Variants in CCDC158 observed in about 807,000 individuals in gnomAD.
CCDC158 encodes the protein coiled-coil domain containing 158, also known as coiled-coil domain-containing protein 158.
In CCDC158, 116 loss-of-function variants were observed where a neutral mutation model predicts 138.6. The ratio of observed to expected loss-of-function variants is 0.84; its 90% confidence interval spans 0.72 to 0.98. CCDC158 has a LOEUF of 0.98. Ranked by LOEUF, CCDC158 falls within the 50% of genes least tolerant of loss-of-function variation. The pLI is 0.00. For missense variants in CCDC158, 1,265 were observed against 1,306.1 expected (o/e 0.97, Z 0.48); for synonymous variants, 436 against 442.4 (o/e 0.99, Z 0.18).
At chr4:76,313,956 T>TA (rs1375554867) in intron 24 of CCDC158, among the ~76,000 whole-genome samples, 1 of 152,204 alleles carries the variant, frequency 6.6e-6, no homozygotes, top group Non-Finnish European at 1.5e-5. Flanking sequence ...GTAAACAGAC[T>TA]AAAAAAGGTT....
At chr4:76,362,093 T>G (rs1218474800) in intron 13 of CCDC158, 33 bp downstream of exon 13, 1 of 1,595,154 alleles carries the variant, frequency 6.3e-7, no homozygotes, top group Non-Finnish European at 8.6e-7. Flanking sequence ...AAGACTCTTA[T>G]TTTTTAGTAG....
chr4:76,329,084 T>C (rs1720787190), intron 21 of CCDC158, 117 bp from the exon 22 acceptor site: 2 of 783,232 alleles, frequency 2.6e-6, no homozygotes, highest in Non-Finnish European at 2.2e-6. Context: ...AACCTCAAGA[T>C]GGCAATCATA....
chr4:76,391,118 A>G (rs1168676051), intron 4 of CCDC158, among the ~76,000 whole-genome samples: 1 of 152,052 alleles, frequency 6.6e-6, no homozygotes, highest in African/African-American at 2.4e-5. Context: ...AATCTGTACT[A>G]TAGACCAAAT....
At chr4:76,363,088 T>C (rs1447344538) in intron 12 of CCDC158, among the ~76,000 whole-genome samples, 1 of 152,210 alleles carries the variant, frequency 6.6e-6, no homozygotes, top group African/African-American at 2.4e-5. Flanking sequence ...TGGCTCAGTG[T>C]GCCTAAACTG....
intron 2 of CCDC158, among the ~76,000 whole-genome samples, chr4:76,404,445 A>T (rs974495615): frequency 6.6e-6 from 1 of 152,226 alleles, no homozygotes; most frequent in East Asian, 1.9e-4. Context: ...AGTAGGCTCA[A>T]ACAAGAATTT....
chr4:76,396,395 G>A lies in CCDC158; in HGVS notation c.162C>T (p.Phe54=). The part of the protein sequence containing the change: ...SAGTLTQVPF[F]PKYEVELDSP... ...AATCAAGTTCCACTTCATATTTAGG[G>A]AAAAAAGGAACCTGTGTCAAAGTCC... The change falls in exon 4 of 25, where the codon TTC becomes TTT. Residue 54 remains phenylalanine, a synonymous_variant. Transcript: ENST00000682701. The A allele has an allele frequency of 6.2e-7, 1 of 1,613,470 alleles. No individual in the cohort carries two copies. Among genetic ancestry groups the A allele is most frequent in the Non-Finnish European group, 8.5e-7 (1 of 1,179,698 alleles).
At chr4:76,403,477 T>C in intron 2 of CCDC158, among the ~76,000 whole-genome samples, 197 bp from the exon 3 acceptor site, 1 of 152,352 alleles carries the variant, frequency 6.6e-6, no homozygotes, top group African/African-American at 2.4e-5. Context: ...TTATTGATTT[T>C]AATAGCCAAG....
intron 24 of CCDC158, among the ~76,000 whole-genome samples, chr4:76,317,559 C>A (rs1452481773): frequency 6.6e-6 from 1 of 152,104 alleles, no homozygotes; most frequent in Non-Finnish European, 1.5e-5. Flanking sequence ...CCACTGATAC[C>A]ACTAGACAGG....
rs747081719 is a variant in CCDC158, at chr4:76,334,035, A to C, written c.2797T>G (p.Ser933Ala). 108 of 1,612,812 alleles carry C rather than the reference A, an allele frequency of 6.7e-5. No homozygotes were observed. The highest frequency in any genetic ancestry group is 8.4e-5 in the Non-Finnish European group (99 of 1,179,218). ...ACAGCCACATACAAGGCTCCCAGAGATGTTCTTCCATCTTCCTCTGTCTTG... is the reference window on the plus strand; with the variant it reads ...ACAGCCACATACAAGGCTCCCAGAGCTGTTCTTCCATCTTCCTCTGTCTTG... ...LSKTEEDGRT[S>A]LGALYVAVED... is the part of the protein sequence containing the mutation. The change falls in exon 19 of 25, where the codon TCT (serine) becomes GCT (alanine). Residue 933 changes from serine (S) to alanine (A), a missense_variant. Ser to Ala is a moderately conservative substitution (Grantham distance 99). Coordinates refer to ENST00000682701, the MANE Select transcript of CCDC158 (RefSeq NM_001394954.1).
intron 12 of CCDC158, among the ~76,000 whole-genome samples, chr4:76,364,130 C>A (rs1724423445): frequency 6.6e-6 from 1 of 152,198 alleles, no homozygotes; most frequent in South Asian, 2.1e-4. Flanking sequence ...CCCCTACAAT[C>A]CTTTCTGACT....
intron 2 of CCDC158, among the ~76,000 whole-genome samples, chr4:76,409,344 T>TAA (rs35334265): frequency 3.4e-4 from 51 of 150,106 alleles, no homozygotes; most frequent in Admixed American, 1.4e-3. Context: ...ATAAAATTGT[T>TAA]AAAAAAAAAA....
chr4:76,329,665 T>G (rs1243658618), intron 21 of CCDC158, among the ~76,000 whole-genome samples: 1 of 152,214 alleles, frequency 6.6e-6, no homozygotes. Flanking sequence ...ACATATAAGT[T>G]GAAGTAAACT....
chr4:76,317,643 C>T (rs116410186), intron 24 of CCDC158, among the ~76,000 whole-genome samples: 117 of 152,214 alleles, frequency 7.7e-4, no homozygotes, highest in Non-Finnish European at 1.1e-3. Context: ...TAAACTATAT[C>T]CTAGAACAAA....
chr4:76,318,999 G>A (rs4859664), intron 24 of CCDC158, among the ~76,000 whole-genome samples: 88,589 of 151,434 alleles, frequency 0.59, 26,674 homozygotes, highest in East Asian at 0.77. Flanking sequence ...GTGGCCAGGC[G>A]CGGTGGCTTA....
At chr4:76,420,507 G>A (rs1560496403) in intron 1 of CCDC158, among the ~76,000 whole-genome samples, 1 of 152,170 alleles carries the variant, frequency 6.6e-6, no homozygotes, top group Non-Finnish European at 1.5e-5. Flanking sequence ...GGAAAGCTCT[G>A]ACCCCCACAT....
Position 76,325,870 on chromosome 4 carries a change from A to AGATG in CCDC158, c.3152_3155dup (p.Asp1053IlefsTer2). On this transcript the variant is annotated frameshift_variant, in exon 23 of 25. Coordinates refer to ENST00000682701, the MANE Select transcript of CCDC158 (RefSeq NM_001394954.1). LOFTEE classifies it high-confidence loss of function. ...GATCTTTCTTACCTTTAACAGAATCAGATGAATGAATAGGTTTGGCAGATC... is the reference window on the plus strand; with the variant it reads ...GATCTTTCTTACCTTTAACAGAATCAGATGGATGAATGAATAGGTTTGGCAGATC... 6.2e-7 allele frequency: 1 copy of AGATG among 1,610,330 alleles called. No individual in the cohort carries two copies. Among genetic ancestry groups the AGATG allele is most frequent in the Non-Finnish European group, 8.5e-7 (1 of 1,178,706 alleles).
At position 76,360,562 on chromosome 4, in the gene CCDC158, C is replaced by T. The variant is rs918216913; in HGVS notation, c.2020+1564G>A. Among the ~76,000 whole-genome samples, 3 of 152,204 alleles carry T rather than the reference C, an allele frequency of 2.0e-5. No homozygotes were observed. The East Asian group carries it at 5.8e-4, about 29-fold the overall frequency. On this transcript the variant is annotated intron_variant, in intron 13 of 24. Transcript: ENST00000682701. ...GAAGCCCACCCCTTACATCAGCATG[C>T]CCTGAATGTGAGACATGGAGTCAAA...
At position 76,383,755 on chromosome 4, in the gene CCDC158, G is replaced by C. The variant is rs1355447816; in HGVS notation, c.727-17C>G. 2 of 1,580,778 alleles carry C rather than the reference G, an allele frequency of 1.3e-6. No homozygotes were observed. Among genetic ancestry groups the C allele is most frequent in the Admixed American group, 1.7e-5 (1 of 59,934 alleles). On this transcript the variant is annotated splice_polypyrimidine_tract_variant and intron_variant, in intron 6 of 24. Transcript: ENST00000682701. ...ATCCTCTACCTGGTTTTTAAAAAGA[G>C]ACACTGATTTAGTTACTGGTAAATA...
At chr4:76,337,274 T>C (rs886990795) in intron 18 of CCDC158, among the ~76,000 whole-genome samples, 8 of 151,998 alleles carry the variant, frequency 5.3e-5, no homozygotes, top group African/African-American at 1.9e-4. Flanking sequence ...TGAACCACCA[T>C]GCCTGGCCGA....
Sources: gnomAD v4.1 joint callset for allele counts (sites outside exome capture counted in the v4.1 genomes callset) on GRCh38, gnomAD v4.1.1 for gene constraint, MANE v1.5 for transcripts, NCBI Gene and HGNC (gene_info 2026-07-23, HGNC 2026-07-21) for gene names.